Variants in PTPRK observed in about 807,000 individuals in gnomAD.
PTPRK encodes the protein receptor-type tyrosine-protein phosphatase kappa.
In PTPRK, 75 loss-of-function variants were observed where a neutral mutation model predicts 178.0. The ratio of observed to expected loss-of-function variants is 0.42; its 90% CI spans 0.35 to 0.51. PTPRK has a LOEUF of 0.51. Ranked by LOEUF, PTPRK falls within the 20% of genes least tolerant of loss-of-function variation. PTPRK has a pLI of 0.02. For missense variants in PTPRK, 1,441 were observed against 1,797.8 expected (o/e 0.80, Z 3.59); for synonymous variants, 637 against 620.6 (o/e 1.03, Z -0.39).
At chr6:128,223,631 T>C (rs1810799787) in intron 5 of PTPRK, among the ~76,000 whole-genome samples, 1 of 152,168 alleles carries the variant, frequency 6.6e-6, no homozygotes, top group South Asian at 2.1e-4. Context: ...TTAACAGTCA[T>C]AATATTCAGG....
chr6:128,377,672 T>C (rs928344341), intron 2 of PTPRK, among the ~76,000 whole-genome samples: 1 of 150,988 alleles, frequency 6.6e-6, no homozygotes, highest in Non-Finnish European at 1.5e-5. Flanking sequence ...AAAAGGGATA[T>C]GAAAGTGATC....
At chr6:128,425,051 G>A (rs944767469) in intron 1 of PTPRK, among the ~76,000 whole-genome samples, 12 of 150,884 alleles carry the variant, frequency 8.0e-5, no homozygotes, top group Admixed American at 4.6e-4. Context: ...CATCACCTAA[G>A]CAGTGTACAC....
chr6:128,112,549 A>T (rs1420719731), intron 7 of PTPRK, among the ~76,000 whole-genome samples: 1 of 152,130 alleles, frequency 6.6e-6, no homozygotes, highest in Non-Finnish European at 1.5e-5. Flanking sequence ...CAATAAAAGC[A>T]TGTGACAGAG....
chr6:128,131,415 T>C (rs1794221363), intron 7 of PTPRK, among the ~76,000 whole-genome samples: 1 of 152,172 alleles, frequency 6.6e-6, no homozygotes, highest in Non-Finnish European at 1.5e-5. Flanking sequence ...CCACTATGAA[T>C]GCTCTAGTCT....
chr6:128,325,080 C>G (rs1471448254), intron 2 of PTPRK, among the ~76,000 whole-genome samples: 1 of 152,154 alleles, frequency 6.6e-6, no homozygotes, highest in Non-Finnish European at 1.5e-5. Flanking sequence ...CATCTATGTT[C>G]CCACACATAC....
At chr6:128,086,978 C>CA in intron 8 of PTPRK, among the ~76,000 whole-genome samples, 1 of 151,806 alleles carries the variant, frequency 6.6e-6, no homozygotes, top group African/African-American at 2.4e-5. Flanking sequence ...TAAAATATTT[C>CA]AAAAAATAGT....
chr6:127,969,820 C>G lies in PTPRK; in HGVS notation c.*407G>C, dbSNP rs41285278. The G allele has an allele frequency of 4.1e-3, 623 of 153,438 alleles. 2 individuals are homozygous for G. Among genetic ancestry groups the G allele is most frequent in the Middle Eastern group, 0.033 (10 of 302 alleles). 9.5% of individuals were successfully genotyped at this position (153,438 alleles called of 1,614,324 possible). ...TATGAATTTGCACAGCTTTTCTTTT[C>G]TTCTTCCTTTTAAGATTCATCAGCT... On this transcript the variant is annotated 3_prime_UTR_variant, in exon 30 of 30. Coordinates refer to ENST00000368226, the MANE Select transcript of PTPRK (RefSeq NM_002844.4).
At chr6:128,501,468 C>T (rs117807914) in intron 1 of PTPRK, among the ~76,000 whole-genome samples, 2,411 of 152,050 alleles carry the variant, frequency 0.016, 30 homozygotes, top group Non-Finnish European at 0.026. Context: ...TCACAATCTG[C>T]CAATTTCAAG....
intron 2 of PTPRK, among the ~76,000 whole-genome samples, chr6:128,383,516 C>T (rs1039249847): frequency 6.6e-6 from 1 of 152,110 alleles, no homozygotes; most frequent in African/African-American, 2.4e-5. Flanking sequence ...AAAATATTCC[C>T]CTTTTTCCTT....
Position 128,434,962 on chromosome 6 carries a change from TGCAGGCAGGCAGGCAGGCAG to T in PTPRK, c.101-37294_101-37275del, listed in dbSNP as rs373811894. On this transcript the variant is annotated intron_variant, in intron 1 of 29. Transcript: ENST00000368226. ...TCACTTGAGCCTAGGAGGTCAAGGT[TGCAGGCAGGCAGGCAGGCAG>T]GCAGGCAGGCAGGCAGGCATAGAAA... Among the ~76,000 whole-genome samples, 155 of 150,064 alleles carry T rather than the reference TGCAGGCAGGCAGGCAGGCAG, an allele frequency of 1.0e-3. No homozygotes were observed. In the Middle Eastern group the frequency reaches 0.01, roughly 10 times the overall value.
intron 1 of PTPRK, among the ~76,000 whole-genome samples, chr6:128,456,983 C>T (rs1848474684): frequency 1.3e-5 from 2 of 152,058 alleles, no homozygotes; most frequent in Admixed American, 1.3e-4. Flanking sequence ...CCCTGTAATC[C>T]AAATCCTATT....
intron 25 of PTPRK, among the ~76,000 whole-genome samples, chr6:127,979,077 C>T (rs1255977324): frequency 6.6e-6 from 1 of 151,950 alleles, no homozygotes; most frequent in Non-Finnish European, 1.5e-5. Context: ...AAAAGACAAG[C>T]TTGGACAAGA....
Position 128,112,822 on chromosome 6 carries a change from T to C in PTPRK, c.1163-22830A>G, listed in dbSNP as rs147726479. Among the ~76,000 whole-genome samples the C allele has an allele frequency of 1.2e-4, 18 of 152,262 alleles. No individual in the cohort carries two copies. In the East Asian group the frequency reaches 3.3e-3, roughly 28 times the overall value. ...TATTCTTTTGCTTTCACTTTGTTGGTGAATTAGAATAGCCTGGTTAACTGG... is the reference window on the plus strand; with the variant it reads ...TATTCTTTTGCTTTCACTTTGTTGGCGAATTAGAATAGCCTGGTTAACTGG... On this transcript the variant is annotated intron_variant, in intron 7 of 29. Transcript: ENST00000368226.
chr6:128,304,532 T>C (rs755777382), intron 3 of PTPRK, among the ~76,000 whole-genome samples: 1 of 152,206 alleles, frequency 6.6e-6, no homozygotes, highest in Non-Finnish European at 1.5e-5. Context: ...GAACCCTTTC[T>C]GTGTGTGATA....
intron 6 of PTPRK, among the ~76,000 whole-genome samples, chr6:128,196,438 C>A (rs2128254609): frequency 6.6e-6 from 1 of 152,146 alleles, no homozygotes; most frequent in South Asian, 2.1e-4. Flanking sequence ...AAAATAGTTA[C>A]CTGTTCAAAG....
intron 1 of PTPRK, among the ~76,000 whole-genome samples, chr6:128,461,481 G>GT (rs961864328): frequency 6.1e-4 from 91 of 149,928 alleles, no homozygotes; most frequent in East Asian, 9.8e-4. Context: ...ACATTGACCT[G>GT]TTTTTTTTTC....
intron 13 of PTPRK, among the ~76,000 whole-genome samples, chr6:128,017,511 T>C (rs1398211015): frequency 6.6e-6 from 1 of 151,562 alleles, no homozygotes; most frequent in Non-Finnish European, 1.5e-5. Context: ...CTCCTACCAG[T>C]AGCTATGAGG....
At chr6:128,069,760 T>A (rs1782494918) in intron 11 of PTPRK, among the ~76,000 whole-genome samples, 1 of 152,158 alleles carries the variant, frequency 6.6e-6, no homozygotes, top group African/African-American at 2.4e-5. Context: ...CATTCAATCT[T>A]AACTAATTCT....
chr6:128,049,348 G>T (rs1379348820), intron 13 of PTPRK, among the ~76,000 whole-genome samples: 1 of 152,098 alleles, frequency 6.6e-6, no homozygotes, highest in Non-Finnish European at 1.5e-5. Flanking sequence ...TACAATACTT[G>T]CAATTTCCCA....
Sources: allele counts gnomAD v4.1 joint callset (sites outside exome capture counted in the v4.1 genomes callset), GRCh38; gene constraint gnomAD v4.1.1; transcripts MANE v1.5; gene names NCBI Gene and HGNC (gene_info 2026-07-23, HGNC 2026-07-21).